Variants in NAT16 observed in about 807,000 individuals in gnomAD.
NAT16 encodes N-acetyltransferase 16 (putative).
In NAT16, 16 loss-of-function variants were observed where a neutral mutation model predicts 15.9. That is an observed-to-expected ratio of 1.01 (90% CI 0.68 to 1.53). The LOEUF is 1.53. Among genes scored for constraint, NAT16 ranks in the 40% most tolerant of loss-of-function variants. The probability of loss-of-function intolerance (pLI) is 0.00; values close to 1 mark genes in which losing one functional copy is unlikely to be tolerated. For missense variants in NAT16, 572 were observed against 508.4 expected (o/e 1.13, Z -1.20); for synonymous variants, 260 against 241.9 (o/e 1.07, Z -0.69).
chr7:101,174,948 T>A, intron 1 of NAT16, 137 bp from the exon 2 acceptor site: 1 of 1,133,992 alleles, frequency 8.8e-7, no homozygotes, highest in Non-Finnish European at 1.1e-6. Context: ...ATTTACTTAT[T>A]TACTTATTTA....
At position 101,172,759 on chromosome 7, in the gene NAT16, A is replaced by G; in HGVS notation, c.538-108T>C. ...CCCACGTTCACGCCCACGGGCTCCC[A>G]CCTGGGTCCCTCTGGAGGAGCGACC... On this transcript the variant is annotated intron_variant, in intron 3 of 3. Coordinates refer to ENST00000300303, the MANE Select transcript of NAT16 (RefSeq NM_198571.3). The surrounding 1 kb of genome is among the most constrained non-coding windows in gnomAD (Gnocchi z 4.2). 1.1e-6 allele frequency: 1 copy of G among 932,328 alleles called. No homozygotes were observed. The highest frequency in any genetic ancestry group is 3.0e-5 in the East Asian group (1 of 32,970). 57.8% of individuals were successfully genotyped at this position (932,328 alleles called of 1,614,324 possible). A position where few individuals can be genotyped will look rare whatever the true frequency, so the allele number is the denominator to read the frequency against.
rs1797317485 is a variant in NAT16, at chr7:101,171,371, C to T, written c.*708G>A. ...ATACATTTCATTTTACAGTATCACT[C>T]TCTCTCTCTCTGGATTGCACACTGG... On this transcript the variant is annotated 3_prime_UTR_variant, in exon 4 of 4. Coordinates refer to ENST00000300303, the MANE Select transcript of NAT16 (RefSeq NM_198571.3). 1 of 151,802 alleles carries T rather than the reference C, an allele frequency of 6.6e-6. No homozygotes were observed. Among genetic ancestry groups the T allele is most frequent in the African/African-American group, 2.4e-5 (1 of 41,386 alleles). 9.4% of individuals were successfully genotyped at this position (151,802 alleles called of 1,614,324 possible).
Position 101,174,498 on chromosome 7 carries a change from C to A in NAT16, c.310G>T (p.Val104Leu). Residue 104 changes from valine (V) to leucine (L), a missense_variant and splice_region_variant, in exon 2 of 4, where the codon GTG (valine) becomes TTG (leucine). Transcript: ENST00000300303. ...TVVLAKRNGG[V>L]IALESVNVID... ...CTGGGCCGTGCCCCCGGGCTCACCA[C>A]GCCTCCGTTGCGCTTGGCCAGCACC... is the stretch of plus-strand genomic sequence containing the variant. 1 of 1,610,100 alleles carries A rather than the reference C, an allele frequency of 6.2e-7. No homozygotes were observed.
chr7:101,174,236 A>C (rs1797411674), intron 2 of NAT16: 1 of 513,638 alleles, frequency 1.9e-6, no homozygotes, highest in Non-Finnish European at 3.4e-6. Flanking sequence ...TACCCCCAGA[A>C]ATTCCTCCGG....
In NAT16 at chr7:101,172,026, G is replaced by T; in HGVS notation, c.*53C>A. Reference sequence around the variant, plus strand: ...AATGGCAGGAAAGAGGCTGGCTGGGGAAACTGCGGAAGGGGGCGGGTCTTT... The same window carrying T: ...AATGGCAGGAAAGAGGCTGGCTGGGTAAACTGCGGAAGGGGGCGGGTCTTT... On this transcript the variant is annotated 3_prime_UTR_variant, in exon 4 of 4. Transcript: ENST00000300303. This position sits in a 1 kb window ranked among gnomAD's most constrained non-coding sequence, Gnocchi z 4.2. 7.6e-7 allele frequency: 1 copy of T among 1,316,894 alleles called. No individual in the cohort carries two copies. Among genetic ancestry groups the T allele is most frequent in the Non-Finnish European group, 1.1e-6 (1 of 935,160 alleles). 81.6% of individuals were successfully genotyped at this position (1,316,894 alleles called of 1,614,324 possible).
Position 101,174,810 on chromosome 7 carries a change from C to A in NAT16, c.-3G>T, listed in dbSNP as rs1173266819. On this transcript the variant is annotated splice_region_variant and 5_prime_UTR_variant, in exon 2 of 4. Coordinates refer to ENST00000300303, the MANE Select transcript of NAT16 (RefSeq NM_198571.3). ...CCACAGCTGGCTTCCAGCTTCATGA[C>A]CCTGCAGAAAAAAAGAGAATTCAGC... 4.5e-6 allele frequency: 7 copies of A among 1,550,598 alleles called. No homozygotes were observed. The highest frequency in any genetic ancestry group is 5.2e-6 in the Non-Finnish European group (6 of 1,152,752).
In NAT16 at chr7:101,173,363, G is replaced by T; in HGVS notation, c.470C>A (p.Ala157Glu). 3 of 1,614,072 alleles carry T rather than the reference G, an allele frequency of 1.9e-6. No individual in the cohort carries two copies. The highest frequency in any genetic ancestry group is 1.7e-6 in the Non-Finnish European group (2 of 1,180,000). ...VKRQHPGVKV[A>E]RLTRDDQLGP... is the part of the protein sequence containing the mutation. ...CAGCTGGTCGTCCCGGGTGAGCCGT[G>T]CCACCTTGACCCCCGGGTGCTGTCT... The change falls in exon 3 of 4, where the codon GCA becomes GAA. Residue 157 changes from alanine to glutamate, a missense_variant. Ala to Glu is a moderately radical substitution (Grantham distance 107, BLOSUM62 -1). Coordinates refer to ENST00000300303, the MANE Select transcript of NAT16 (RefSeq NM_198571.3).
intron 1 of NAT16, among the ~76,000 whole-genome samples, chr7:101,177,963 C>G (rs1047964727): frequency 2.0e-5 from 3 of 152,160 alleles, no homozygotes; most frequent in Non-Finnish European, 2.9e-5. Context: ...CATGAACCAG[C>G]TGTTCATGGG....
At chr7:101,174,010 G>A (rs1484803714) in intron 2 of NAT16, 4 of 212,876 alleles carry the variant, frequency 1.9e-5, no homozygotes, top group African/African-American at 9.2e-5. Context: ...GGTTACAGGA[G>A]TTAGCCGACG....
Position 101,171,960 on chromosome 7 carries a change from G to T in NAT16, c.*119C>A, listed in dbSNP as rs938018973. 2.9e-6 allele frequency: 2 copies of T among 690,208 alleles called. No homozygotes were observed. The highest frequency in any genetic ancestry group is 2.7e-5 in the East Asian group (1 of 36,506). 42.8% of individuals were successfully genotyped at this position (690,208 alleles called of 1,614,324 possible). ...GACCTGCGCCGGTAAGGGCAGGAGG[G>T]CAGGAGTCAGAGGGGACTTCCCAGG... On this transcript the variant is annotated 3_prime_UTR_variant, in exon 4 of 4. Coordinates refer to ENST00000300303, the MANE Select transcript of NAT16 (RefSeq NM_198571.3).
In NAT16 at chr7:101,172,141, C is replaced by T. The variant is rs1309823104; in HGVS notation, c.1048G>A (p.Gly350Arg). 3 of 1,614,062 alleles carry T rather than the reference C, an allele frequency of 1.9e-6. No homozygotes were observed. The highest frequency in any genetic ancestry group is 1.7e-6 in the Non-Finnish European group (2 of 1,179,970). Residue 350 changes from glycine to arginine, a missense_variant, in exon 4 of 4, where the codon GGG becomes AGG. By Grantham distance (125) the Gly-to-Arg change is moderately radical. Coordinates refer to ENST00000300303, the MANE Select transcript of NAT16 (RefSeq NM_198571.3). This position sits in a 1 kb window ranked among gnomAD's most constrained non-coding sequence, Gnocchi z 4.2. ...CCCTTCACCAGCTCCAGTCCCAGCCCGACCTGGCAGAAGTCAGCCAGCTGT... is the reference window on the plus strand; with the variant it reads ...CCCTTCACCAGCTCCAGTCCCAGCCTGACCTGGCAGAAGTCAGCCAGCTGT... ...WSQLADFCQV[G>R]LGLELVKGYT...
rs1340732433 is a variant in NAT16 at position 101,174,480 on chromosome 7, G to T, written c.312+16C>A. The T allele has an allele frequency of 1.9e-6, 3 of 1,599,498 alleles. No homozygotes were observed. The highest frequency in any genetic ancestry group is 2.6e-6 in the Non-Finnish European group (3 of 1,173,724). On this transcript the variant is annotated intron_variant, in intron 2 of 3. Transcript: ENST00000300303. ...GGCTTCACCCCATGTCACCTGGGCC[G>T]TGCCCCCGGGCTCACCACGCCTCCG...
rs1797304473 is a variant in NAT16 at position 101,170,872 on chromosome 7, A to G, written c.*1207T>C. 1 of 152,248 alleles carries G rather than the reference A, an allele frequency of 6.6e-6. No individual in the cohort carries two copies. Among genetic ancestry groups the G allele is most frequent in the Non-Finnish European group, 1.5e-5 (1 of 68,092 alleles). 9.4% of individuals were successfully genotyped at this position (152,248 alleles called of 1,614,324 possible). ...GGGAGGCTCCTAGCTACTTTGAATG[A>G]CTTAGAAGTCACTTTGATCTTTCCC... On this transcript the variant is annotated 3_prime_UTR_variant, in exon 4 of 4. Coordinates refer to ENST00000300303, the MANE Select transcript of NAT16 (RefSeq NM_198571.3).
rs1193066705 is a variant in NAT16 at position 101,174,616 on chromosome 7, C to T, written c.192G>A (p.Glu64=). The part of the protein sequence containing the change: ...DFVVATEREF[E]EVLAISGGIY... The stretch of plus-strand genomic sequence containing the variant: ...TGCCCCCCGAGATGGCCAGCACTTC[C>T]TCAAACTCCCGTTCCGTGGCCACCA... Residue 64 remains glutamate (E), a synonymous_variant, in exon 2 of 4, where the codon GAG becomes GAA. Coordinates refer to ENST00000300303, the MANE Select transcript of NAT16 (RefSeq NM_198571.3). 2 of 1,614,122 alleles carry T rather than the reference C, an allele frequency of 1.2e-6. No individual in the cohort carries two copies. The highest frequency in any genetic ancestry group is 2.2e-5 in the East Asian group (1 of 44,890).
rs1291277775 is a variant in NAT16, at chr7:101,171,280, TGA to T, written c.*797_*798del. On this transcript the variant is annotated 3_prime_UTR_variant, in exon 4 of 4. Coordinates refer to ENST00000300303, the MANE Select transcript of NAT16 (RefSeq NM_198571.3). ...TGTGCAAAGCAGGAGGAAACCCCAG[TGA>T]GAGAGGCAGGCTCAGAAAGTGCATC... 1 of 152,332 alleles carries T rather than the reference TGA, an allele frequency of 6.6e-6. No homozygotes were observed. Among genetic ancestry groups the T allele is most frequent in the African/African-American group, 2.4e-5 (1 of 41,430 alleles). The allele number at this position is 152,332 out of a possible 1,614,324, so 9.4% of individuals were successfully genotyped here.
Position 101,173,466 on chromosome 7 carries a change from C to G in NAT16, c.367G>C (p.Gly123Arg). ...CGCTCCCAGGGCGCCACGCGCAGCC[C>G]CTCCACCAGCACCGTCTCCCCGGCG... ...IDAGETVLVE[G>R]LRVAPWERGK... Residue 123 changes from glycine (G) to arginine (R), a missense_variant, in exon 3 of 4, where the codon GGG becomes CGG. Physicochemically the swap from Gly to Arg is moderately radical, Grantham distance 125. Transcript: ENST00000300303. The G allele has an allele frequency of 1.9e-6, 3 of 1,611,536 alleles. No homozygotes were observed. Among genetic ancestry groups the G allele is most frequent in the Non-Finnish European group, 1.7e-6 (2 of 1,178,798 alleles).
intron 1 of NAT16, among the ~76,000 whole-genome samples, chr7:101,177,782 C>T (rs1584225045): frequency 6.6e-6 from 1 of 152,274 alleles, no homozygotes; most frequent in Admixed American, 6.5e-5. Flanking sequence ...GATGCGGTTG[C>T]TAGGAACTCC....
At position 101,174,627 on chromosome 7, in the gene NAT16, G is replaced by C. The variant is rs1797425246; in HGVS notation, c.181C>G (p.Arg61Gly). ...EPLDFVVATE[R>G]EFEEVLAISG... Reference sequence around the variant, plus strand: ...ATGGCCAGCACTTCCTCAAACTCCCGTTCCGTGGCCACCACGAAGTCCAAT... The same window carrying C: ...ATGGCCAGCACTTCCTCAAACTCCCCTTCCGTGGCCACCACGAAGTCCAAT... The change falls in exon 2 of 4, where the codon CGG becomes GGG. Residue 61 changes from arginine to glycine, a missense_variant. Coordinates refer to ENST00000300303, the MANE Select transcript of NAT16 (RefSeq NM_198571.3). The C allele has an allele frequency of 1.2e-6, 2 of 1,613,972 alleles. No individual in the cohort carries two copies. The highest frequency in any genetic ancestry group is 3.3e-5 in the Admixed American group (2 of 59,996).
rs1797331199 is a variant in NAT16 at position 101,171,950 on chromosome 7, G to A, written c.*129C>T. On this transcript the variant is annotated 3_prime_UTR_variant, in exon 4 of 4. Coordinates refer to ENST00000300303, the MANE Select transcript of NAT16 (RefSeq NM_198571.3). ...AGAGTGGGGGGACCTGCGCCGGTAA[G>A]GGCAGGAGGGCAGGAGTCAGAGGGG... 1.5e-6 allele frequency: 1 copy of A among 656,532 alleles called. No individual in the cohort carries two copies. The allele number at this position is 656,532 out of a possible 1,614,324, so 40.7% of individuals were successfully genotyped here.
Sources: gnomAD v4.1 joint callset for allele counts (sites outside exome capture counted in the v4.1 genomes callset) on GRCh38, gnomAD v4.1.1 for gene constraint, Gnocchi (gnomAD v3.1) non-coding constraint, MANE v1.5 for transcripts, NCBI Gene and HGNC (gene_info 2026-07-23, HGNC 2026-07-21) for gene names.